PCDH9: variants seen among roughly 807,000 people sequenced by gnomAD.
PCDH9 encodes the protein protocadherin-9.
A neutral mutation model predicts 70.6 loss-of-function variants in PCDH9; 24 were observed. The ratio of observed to expected loss-of-function variants is 0.34; its 90% CI spans 0.25 to 0.48. The LOEUF is 0.48. Among genes scored for constraint, PCDH9 ranks in the 20% least tolerant of loss-of-function variants. The pLI is 0.99. For synonymous variants in PCDH9, 562 were observed against 558.5 expected, an observed-to-expected ratio of 1.01 and a Z score of -0.09; for missense variants, 1,281 against 1,503.6, an observed-to-expected ratio of 0.85 and a Z score of 2.45.
At chr13:66,698,756 A>AT (rs1403582835) in intron 3 of PCDH9, among the ~76,000 whole-genome samples, 4 of 151,782 alleles carry the variant, frequency 2.6e-5, no homozygotes, top group Non-Finnish European at 5.9e-5. Context: ...GTTTACATTA[A>AT]TTTTTTGTAG....
At chr13:66,625,580 T>C (rs1006977084) in intron 4 of PCDH9, among the ~76,000 whole-genome samples, 2 of 152,086 alleles carry the variant, frequency 1.3e-5, no homozygotes, top group South Asian at 4.1e-4. Context: ...CTTTGAAATG[T>C]TAATATATGT....
intron 4 of PCDH9, among the ~76,000 whole-genome samples, chr13:66,317,318 T>C (rs1306208342): frequency 6.6e-6 from 1 of 152,170 alleles, no homozygotes. Flanking sequence ...AAATAGTGAA[T>C]AACAGGAACA....
intron 3 of PCDH9, among the ~76,000 whole-genome samples, chr13:66,875,881 A>G (rs1159745064): frequency 6.6e-6 from 1 of 152,158 alleles, no homozygotes; most frequent in Non-Finnish European, 1.5e-5. Flanking sequence ...TAAATACTGT[A>G]AACACATGTT....
chr13:66,463,135 T>A (rs1958454696), intron 4 of PCDH9, among the ~76,000 whole-genome samples: 1 of 151,818 alleles, frequency 6.6e-6, no homozygotes, highest in South Asian at 2.1e-4. Flanking sequence ...TAAGTGATAC[T>A]TTGTAAGGAA....
chr13:66,956,727 G>C (rs1307503711), intron 2 of PCDH9, among the ~76,000 whole-genome samples: 1 of 152,178 alleles, frequency 6.6e-6, no homozygotes, highest in Non-Finnish European at 1.5e-5. Flanking sequence ...TCCAGGCTGG[G>C]CAGCAGAGTG....
chr13:66,847,545 T>A (rs1471235484), intron 3 of PCDH9, among the ~76,000 whole-genome samples: 1 of 152,192 alleles, frequency 6.6e-6, no homozygotes, highest in Admixed American at 6.5e-5. Context: ...AATAGAAGAT[T>A]CATTCTTACA....
At chr13:66,487,297 T>C (rs527746953) in intron 4 of PCDH9, among the ~76,000 whole-genome samples, 2 of 152,282 alleles carry the variant, frequency 1.3e-5, no homozygotes, top group South Asian at 4.1e-4. Flanking sequence ...CAAAAATATA[T>C]AGGTGACATG....
At chr13:67,047,479 G>A (rs886649706) in intron 2 of PCDH9, among the ~76,000 whole-genome samples, 2 of 152,010 alleles carry the variant, frequency 1.3e-5, no homozygotes, top group Admixed American at 6.6e-5. Flanking sequence ...TACATACAAA[G>A]GACTCTTCCT....
At chr13:66,708,124 A>C (rs990086904) in intron 3 of PCDH9, among the ~76,000 whole-genome samples, 4 of 151,140 alleles carry the variant, frequency 2.6e-5, no homozygotes, top group Non-Finnish European at 4.4e-5. Context: ...ATCTCGGCTC[A>C]CTGCAAGCTC....
At chr13:66,953,538 G>T (rs1048959022) in intron 2 of PCDH9, among the ~76,000 whole-genome samples, 1 of 152,136 alleles carries the variant, frequency 6.6e-6, no homozygotes, top group African/African-American at 2.4e-5. Flanking sequence ...CAGTCTTATT[G>T]TTACAATATA....
chr13:66,427,779 G>A (rs1365634083), intron 4 of PCDH9, among the ~76,000 whole-genome samples: 4 of 151,552 alleles, frequency 2.6e-5, no homozygotes, highest in Non-Finnish European at 5.9e-5. Flanking sequence ...CTTTGTATCA[G>A]GTATTCTCTT....
chr13:66,530,042 T>C (rs776493710), intron 4 of PCDH9, among the ~76,000 whole-genome samples: 23 of 152,060 alleles, frequency 1.5e-4, no homozygotes, highest in Non-Finnish European at 3.2e-4. Flanking sequence ...TCTCCCTGCA[T>C]ATATAGTTGT....
chr13:66,727,132 TTG>T (rs2079015735), intron 3 of PCDH9, among the ~76,000 whole-genome samples: 1 of 152,068 alleles, frequency 6.6e-6, no homozygotes, highest in African/African-American at 2.4e-5. Flanking sequence ...GCCAGGTGTG[TTG>T]GCACACACCT....
chr13:66,616,451 C>A, intron 4 of PCDH9, among the ~76,000 whole-genome samples: 1 of 140,170 alleles, frequency 7.1e-6, no homozygotes, highest in Admixed American at 7.1e-5. Flanking sequence ...TGTTTTAAAA[C>A]TTATCATACA....
chr13:67,095,611 T>A (rs1433112562), intron 2 of PCDH9, among the ~76,000 whole-genome samples: 2 of 152,100 alleles, frequency 1.3e-5, no homozygotes, highest in East Asian at 3.9e-4. Flanking sequence ...CAGTGTGACT[T>A]TGGATGTATT....
chr13:66,428,747 T>C (rs1391470714), intron 4 of PCDH9, among the ~76,000 whole-genome samples: 1 of 151,820 alleles, frequency 6.6e-6, no homozygotes, highest in East Asian at 1.9e-4. Flanking sequence ...ATATTCTTCC[T>C]TACTTTTCAT....
intron 2 of PCDH9, among the ~76,000 whole-genome samples, chr13:67,092,029 T>C (rs919022852): frequency 1.3e-5 from 2 of 152,178 alleles, no homozygotes; most frequent in Admixed American, 6.5e-5. Flanking sequence ...AGAAACAATA[T>C]TTAAGACCTT....
At chr13:66,428,740 T>C (rs1415281732) in intron 4 of PCDH9, among the ~76,000 whole-genome samples, 1 of 151,824 alleles carries the variant, frequency 6.6e-6, no homozygotes, top group Non-Finnish European at 1.5e-5. Context: ...TTTGCAGATA[T>C]TCTTCCTTAC....
intron 2 of PCDH9, among the ~76,000 whole-genome samples, chr13:67,067,613 AAAAG>A (rs2085675009): frequency 6.6e-6 from 1 of 151,936 alleles, no homozygotes; most frequent in South Asian, 2.1e-4. Context: ...ACTTTTTTTA[AAAAG>A]TTTTTAAAAA....
Sources: allele counts gnomAD v4.1 joint callset (sites outside exome capture counted in the v4.1 genomes callset), GRCh38; gene constraint gnomAD v4.1.1; transcripts MANE v1.5; gene names NCBI Gene and HGNC (gene_info 2026-07-23, HGNC 2026-07-21).